Variants in CPEB3 observed in about 807,000 individuals in gnomAD.
The protein encoded by CPEB3 is cytoplasmic polyadenylation element binding protein 3.
A neutral mutation model predicts 67.2 loss-of-function variants in CPEB3; 20 were observed. The observed-to-expected ratio is 0.30, with a 90% CI of 0.21 to 0.43. CPEB3 has a LOEUF of 0.43. CPEB3 is among the 20% of genes least tolerant of loss of function. CPEB3 has a pLI of 1.00. For missense variants in CPEB3, 746 were observed against 968.6 expected, an observed-to-expected ratio of 0.77 and a Z score of 3.05; for synonymous variants, 376 against 393.1, an observed-to-expected ratio of 0.96 and a Z score of 0.51.
intron 1 of CPEB3, among the ~76,000 whole-genome samples, chr10:92,288,228 G>A (rs1165463414): frequency 2.6e-5 from 4 of 152,126 alleles, no homozygotes; most frequent in African/African-American, 7.2e-5. Context: ...GGGAGGCCGA[G>A]GTGGGAGGAT....
intron 6 of CPEB3, among the ~76,000 whole-genome samples, chr10:92,128,656 AAAAT>A (rs1205041786): frequency 2.6e-5 from 4 of 152,222 alleles, no homozygotes; most frequent in Admixed American, 6.5e-5. Context: ...TTATAAGAAA[AAAAT>A]AAATAGTTTC....
At chr10:92,127,742 C>T (rs1845668386) in intron 6 of CPEB3, among the ~76,000 whole-genome samples, 1 of 152,068 alleles carries the variant, frequency 6.6e-6, no homozygotes, top group South Asian at 2.1e-4. Context: ...TACTAAGGCC[C>T]CCCAGAGGCC....
intron 4 of CPEB3, among the ~76,000 whole-genome samples, chr10:92,162,894 A>G (rs1847559627): frequency 6.6e-6 from 1 of 152,164 alleles, no homozygotes. Context: ...CACAGCAAAA[A>G]AGAAAGACCC....
At chr10:92,211,043 C>T (rs1257564622) in intron 2 of CPEB3, among the ~76,000 whole-genome samples, 2 of 152,062 alleles carry the variant, frequency 1.3e-5, no homozygotes, top group Non-Finnish European at 2.9e-5. Context: ...GAGTGAGACT[C>T]CATCTCAAAA....
chr10:92,248,302 T>C (rs1852153118), intron 1 of CPEB3, among the ~76,000 whole-genome samples: 1 of 152,220 alleles, frequency 6.6e-6, no homozygotes, highest in Non-Finnish European at 1.5e-5. Context: ...AAAAAGTTTG[T>C]ACGTGTTCAG....
intron 1 of CPEB3, among the ~76,000 whole-genome samples, chr10:92,270,741 C>CTTT (rs112449876): frequency 9.4e-5 from 14 of 148,982 alleles, no homozygotes; most frequent in Non-Finnish European, 1.8e-4. Flanking sequence ...TTCTGGGGTG[C>CTTT]TTTTTTTTTG....
intron 9 of CPEB3, among the ~76,000 whole-genome samples, chr10:92,059,493 G>A (rs867760116): frequency 6.6e-6 from 1 of 152,076 alleles, no homozygotes; most frequent in South Asian, 2.1e-4. Context: ...GCAGTACTAA[G>A]AGGAAAGTTT....
chr10:92,203,030 C>T (rs538227646), intron 2 of CPEB3, among the ~76,000 whole-genome samples: 1 of 151,424 alleles, frequency 6.6e-6, no homozygotes, highest in African/African-American at 2.4e-5. Context: ...CAACCTCTGC[C>T]TCCCAGGTTC....
intron 4 of CPEB3, among the ~76,000 whole-genome samples, chr10:92,178,151 T>C (rs923331305): frequency 5.9e-5 from 9 of 151,546 alleles, no homozygotes; most frequent in Admixed American, 4.0e-4. Flanking sequence ...TTACTTCTTC[T>C]CAATTATTCC....
Position 92,111,122 on chromosome 10 carries a change from CCAT to C in CPEB3, c.1523_1525del (p.Asp508del). 6.2e-7 allele frequency: 1 copy of C among 1,614,120 alleles called. No individual in the cohort carries two copies. The highest frequency in any genetic ancestry group is 8.5e-7 in the Non-Finnish European group (1 of 1,179,986). On this transcript the variant is annotated inframe_deletion, in exon 7 of 10. Transcript: ENST00000265997. ...GCTTGACACACACAGGTAGAGTTTC[CCAT>C]CTTCTTCTAGGCAGGCATCTATCAA...
intron 9 of CPEB3, among the ~76,000 whole-genome samples, chr10:92,080,797 G>A (rs1266603174): frequency 2.0e-5 from 3 of 151,870 alleles, no homozygotes; most frequent in Non-Finnish European, 2.9e-5. Context: ...GGGTTTCACC[G>A]TGTTAGCCAG....
chr10:92,222,265 G>A (rs1850741171), intron 2 of CPEB3, among the ~76,000 whole-genome samples: 1 of 150,686 alleles, frequency 6.6e-6, no homozygotes, highest in South Asian at 2.1e-4. Flanking sequence ...TCGAACTACC[G>A]AGTTCAAGCA....
chr10:92,232,466 A>C (rs1407895661), intron 2 of CPEB3, among the ~76,000 whole-genome samples: 5 of 152,010 alleles, frequency 3.3e-5, no homozygotes, highest in African/African-American at 1.2e-4. Flanking sequence ...CCCTTGAAAT[A>C]CATCAAATTG....
At chr10:92,135,343 G>A (rs1846040466) in intron 6 of CPEB3, among the ~76,000 whole-genome samples, 1 of 152,076 alleles carries the variant, frequency 6.6e-6, no homozygotes. Flanking sequence ...AATAAAAAGT[G>A]GGCAAAGGAT....
intron 6 of CPEB3, among the ~76,000 whole-genome samples, chr10:92,133,336 T>C (rs1845933413): frequency 6.6e-6 from 1 of 152,010 alleles, no homozygotes; most frequent in Non-Finnish European, 1.5e-5. Context: ...ATAAAGGGGA[T>C]ATCACCACCG....
rs906370666 is a variant in CPEB3 at position 92,239,026 on chromosome 10, T to C, written c.1005+320A>G. On this transcript the variant is annotated intron_variant, in intron 2 of 9. Coordinates refer to ENST00000265997, the MANE Select transcript of CPEB3 (RefSeq NM_014912.5). This position sits in a 1 kb window ranked among gnomAD's most constrained non-coding sequence, Gnocchi z 6.0. ...TCATCCTGGGACTATGCCGGCACCT[T>C]GCCACACACTTGCAGCTTTACTTGT... Among the ~76,000 whole-genome samples the C allele has an allele frequency of 2.6e-5, 4 of 152,138 alleles. No homozygotes were observed. Among genetic ancestry groups the C allele is most frequent in the Non-Finnish European group, 4.4e-5 (3 of 68,026 alleles).
At chr10:92,264,435 T>C (rs1488958641) in intron 1 of CPEB3, among the ~76,000 whole-genome samples, 1 of 152,128 alleles carries the variant, frequency 6.6e-6, no homozygotes, top group Non-Finnish European at 1.5e-5. Context: ...CTGTTATCCC[T>C]CACCAACTGC....
chr10:92,186,710 T>C (rs1410779443), intron 3 of CPEB3, among the ~76,000 whole-genome samples: 4 of 152,132 alleles, frequency 2.6e-5, no homozygotes, highest in Admixed American at 6.5e-5. Flanking sequence ...GCTGGGATTA[T>C]AGGCGTGAGC....
chr10:92,146,668 T>C (rs1410650983), intron 4 of CPEB3, among the ~76,000 whole-genome samples: 2 of 152,202 alleles, frequency 1.3e-5, no homozygotes. Flanking sequence ...GTTTTAATGC[T>C]AGGAGTTAAA....
Sources: gnomAD v4.1 joint callset for allele counts (sites outside exome capture counted in the v4.1 genomes callset) on GRCh38, gnomAD v4.1.1 for gene constraint, Gnocchi (gnomAD v3.1) non-coding constraint, MANE v1.5 for transcripts, NCBI Gene and HGNC (gene_info 2026-07-23, HGNC 2026-07-21) for gene names.